LRRC4C: variants seen among roughly 807,000 people sequenced by gnomAD.
LRRC4C encodes the protein leucine-rich repeat-containing protein 4C.
LRRC4C carries 5 observed loss-of-function variants against 33.6 expected under a neutral mutation model. That is an observed-to-expected ratio of 0.15 (90% CI 0.08 to 0.31). LRRC4C has a LOEUF of 0.31. LRRC4C is among the 10% of genes least tolerant of loss of function. The pLI, the probability that LRRC4C is intolerant of heterozygous loss-of-function variation, is 1.00. For synonymous variants in LRRC4C, 329 were observed against 302.0 expected (o/e 1.09, Z -0.93); for missense variants, 560 against 796.7 (o/e 0.70, Z 3.58).
At chr11:40,821,122 C>T (rs1391939219) in intron 2 of LRRC4C, among the ~76,000 whole-genome samples, 2 of 151,376 alleles carry the variant, frequency 1.3e-5, no homozygotes, top group Non-Finnish European at 3.0e-5. Context: ...ACACTGAAAC[C>T]TCTAAAACAC....
intron 2 of LRRC4C, among the ~76,000 whole-genome samples, chr11:40,801,839 A>G (rs569293290): frequency 6.6e-6 from 1 of 152,302 alleles, no homozygotes; most frequent in East Asian, 1.9e-4. Context: ...AAATCATGGC[A>G]TGCCTGCATT....
intron 2 of LRRC4C, among the ~76,000 whole-genome samples, chr11:40,652,081 C>T (rs1473783076): frequency 6.6e-6 from 1 of 152,096 alleles, no homozygotes; most frequent in Non-Finnish European, 1.5e-5. Flanking sequence ...AGCAGGGTCT[C>T]ATTACTTTCC....
intron 6 of LRRC4C, among the ~76,000 whole-genome samples, chr11:40,129,531 G>C (rs896451334): frequency 2.6e-5 from 4 of 152,170 alleles, no homozygotes; most frequent in African/African-American, 9.7e-5. Context: ...AGGATGCCTA[G>C]TTGTTTTCAT....
At chr11:40,729,300 T>G (rs1947447189) in intron 2 of LRRC4C, among the ~76,000 whole-genome samples, 1 of 152,174 alleles carries the variant, frequency 6.6e-6, no homozygotes, top group African/African-American at 2.4e-5. Context: ...AGTCATTAGG[T>G]CAAAATAAAA....
intron 1 of LRRC4C, among the ~76,000 whole-genome samples, chr11:41,362,556 G>C (rs948476326): frequency 6.6e-6 from 1 of 152,010 alleles, no homozygotes; most frequent in Non-Finnish European, 1.5e-5. Flanking sequence ...GGTCCAGGGA[G>C]TTCCTACTTA....
Position 40,128,135 on chromosome 11 carries a change from G to A in LRRC4C, c.-42-11801C>T, listed in dbSNP as rs57502318. Among the ~76,000 whole-genome samples the A allele has an allele frequency of 2.2e-3, 331 of 152,220 alleles. 2 individuals are homozygous for A. The highest frequency in any genetic ancestry group is 7.5e-3 in the African/African-American group (311 of 41,546). ...TTGGTAAATTGGCCTTCTCCGAGCT[G>A]CACCTTCCTAAGTAGGAATGATGAT... On this transcript the variant is annotated intron_variant, in intron 6 of 6. Transcript: ENST00000528697.
At chr11:41,144,283 A>G (rs995146857) in intron 1 of LRRC4C, among the ~76,000 whole-genome samples, 3 of 152,296 alleles carry the variant, frequency 2.0e-5, no homozygotes, top group African/African-American at 7.2e-5. Context: ...CAAAGCAGTG[A>G]GTGACCATTG....
At chr11:40,158,171 C>T (rs543358809) in intron 5 of LRRC4C, among the ~76,000 whole-genome samples, 3 of 152,032 alleles carry the variant, frequency 2.0e-5, no homozygotes, top group Non-Finnish European at 4.4e-5. Context: ...GAATGTGAAA[C>T]CATACATCGT....
chr11:40,272,522 T>C (rs760111140), intron 4 of LRRC4C, among the ~76,000 whole-genome samples: 3 of 152,128 alleles, frequency 2.0e-5, no homozygotes, highest in African/African-American at 4.8e-5. Context: ...AAAAATTACA[T>C]GCATGAAGGA....
chr11:40,558,379 A>G (rs1457204809), intron 3 of LRRC4C, among the ~76,000 whole-genome samples: 3 of 152,196 alleles, frequency 2.0e-5, no homozygotes, highest in Non-Finnish European at 4.4e-5. Flanking sequence ...GTGTTGTTTC[A>G]TTTAGACTTT....
chr11:41,291,850 G>T (rs546916575), intron 1 of LRRC4C, among the ~76,000 whole-genome samples: 17 of 152,120 alleles, frequency 1.1e-4, no homozygotes, highest in Non-Finnish European at 1.8e-4. Context: ...CAAGGCAAAG[G>T]TTTGCATACC....
intron 1 of LRRC4C, among the ~76,000 whole-genome samples, chr11:41,318,299 T>C (rs1385370184): frequency 6.6e-6 from 1 of 152,224 alleles, no homozygotes; most frequent in Admixed American, 6.5e-5. Context: ...TTTTGGATTT[T>C]ATTTTTATCT....
chr11:40,497,143 C>A (rs1422368116), intron 3 of LRRC4C, among the ~76,000 whole-genome samples: 2 of 152,078 alleles, frequency 1.3e-5, no homozygotes. Flanking sequence ...CAGTGGCTCA[C>A]GCCTGTAATC....
chr11:40,852,344 T>C lies in LRRC4C; in HGVS notation c.-407+81291A>G, dbSNP rs570897893. Among the ~76,000 whole-genome samples, 12 of 152,304 alleles carry C rather than the reference T, an allele frequency of 7.9e-5. No homozygotes were observed. In the South Asian group the frequency reaches 2.1e-3, roughly 26 times the overall value. On this transcript the variant is annotated intron_variant, in intron 2 of 6. Coordinates refer to ENST00000528697, the MANE Select transcript of LRRC4C (RefSeq NM_001258419.2). ...TTCATTTACTGGTTTTGTGACCTTG[T>C]ATACATCATTTAATACCTTTCTGAG...
intron 2 of LRRC4C, among the ~76,000 whole-genome samples, chr11:40,908,321 A>G (rs1340443938): frequency 6.6e-6 from 1 of 152,162 alleles, no homozygotes; most frequent in Non-Finnish European, 1.5e-5. Flanking sequence ...CAAAAAAAGC[A>G]TACTTTCCTT....
chr11:40,520,233 A>G (rs1352801476), intron 3 of LRRC4C, among the ~76,000 whole-genome samples: 2 of 152,202 alleles, frequency 1.3e-5, no homozygotes, highest in Non-Finnish European at 2.9e-5. Context: ...CCATGTACTC[A>G]CTGGAGTAGC....
At chr11:40,407,887 G>T (rs775354426) in intron 3 of LRRC4C, among the ~76,000 whole-genome samples, 1 of 151,946 alleles carries the variant, frequency 6.6e-6, no homozygotes, top group Non-Finnish European at 1.5e-5. Context: ...TTGGCAAAGA[G>T]AATGAAAATT....
At chr11:40,464,563 A>T (rs573269632) in intron 3 of LRRC4C, among the ~76,000 whole-genome samples, 26 of 152,174 alleles carry the variant, frequency 1.7e-4, no homozygotes, top group South Asian at 6.2e-4. Flanking sequence ...ATATGATCTT[A>T]TACCTGCAAA....
intron 3 of LRRC4C, among the ~76,000 whole-genome samples, chr11:40,358,250 G>T (rs1484627267): frequency 2.0e-5 from 3 of 151,954 alleles, no homozygotes; most frequent in Non-Finnish European, 2.9e-5. Flanking sequence ...GTAAGGCTTG[G>T]AGAGGTGAGG....
Sources: allele counts gnomAD v4.1 joint callset (sites outside exome capture counted in the v4.1 genomes callset), GRCh38; gene constraint gnomAD v4.1.1; transcripts MANE v1.5; gene names NCBI Gene and HGNC (gene_info 2026-07-23, HGNC 2026-07-21).